The following TMEM132C variants were observed in gnomAD, a reference collection of about 807,000 sequenced individuals.
The protein encoded by TMEM132C is transmembrane protein 132C.
TMEM132C carries 29 observed loss-of-function variants against 61.4 expected under a neutral mutation model. The ratio of observed to expected loss-of-function variants is 0.47; its 90% CI spans 0.35 to 0.64. The LOEUF (loss-of-function observed/expected upper bound fraction) is 0.64, where lower values mean the gene tolerates loss of function less well. Ranked by LOEUF, TMEM132C falls within the 30% of genes least tolerant of loss-of-function variation. The pLI is 0.00. For missense variants in TMEM132C, 1,408 were observed against 1,476.9 expected, an observed-to-expected ratio of 0.95 and a Z score of 0.76; for synonymous variants, 656 against 633.1, an observed-to-expected ratio of 1.04 and a Z score of -0.54.
Position 128,415,665 on chromosome 12 carries a change from G to A in TMEM132C, c.974+45G>A, listed in dbSNP as rs769022904. 5.5e-6 allele frequency: 8 copies of A among 1,467,838 alleles called. No homozygotes were observed. In the South Asian group the frequency reaches 7.1e-5, roughly 13 times the overall value. 90.9% of individuals were successfully genotyped at this position (1,467,838 alleles called of 1,614,324 possible). A position where few individuals can be genotyped will look rare whatever the true frequency, so the allele number is the denominator to read the frequency against. On this transcript the variant is annotated intron_variant, in intron 2 of 8. Transcript: ENST00000435159. The surrounding 1 kb of genome is among the most constrained non-coding windows in gnomAD (Gnocchi z 5.8). ...CCTGATCATCTTTGGCATGCCTGGT[G>A]TGAGACTGGGTTCCATGCGTGGCAG...
intron 2 of TMEM132C, among the ~76,000 whole-genome samples, chr12:128,523,212 G>A (rs7316219): frequency 0.93 from 141,837 of 152,238 alleles, 66,838 homozygotes; most frequent in East Asian, 1. Context: ...TCCAGTAGTC[G>A]AATTCATAGA....
intron 3 of TMEM132C, among the ~76,000 whole-genome samples, chr12:128,574,414 C>T (rs573609334): frequency 2.0e-5 from 3 of 152,322 alleles, no homozygotes; most frequent in African/African-American, 7.2e-5. Context: ...CATAGAGAAA[C>T]CGTTATTATC....
intron 3 of TMEM132C, among the ~76,000 whole-genome samples, chr12:128,551,214 C>A (rs900184056): frequency 6.7e-6 from 1 of 150,100 alleles, no homozygotes; most frequent in Non-Finnish European, 1.5e-5. Context: ...TAAGAGCCCC[C>A]CCCCTCCCGC....
At chr12:128,579,374 C>T (rs893305999) in intron 3 of TMEM132C, among the ~76,000 whole-genome samples, 5 of 152,212 alleles carry the variant, frequency 3.3e-5, no homozygotes, top group African/African-American at 1.2e-4. Flanking sequence ...CAACATACTA[C>T]TTTAAAATTG....
chr12:128,696,553 C>G (rs1954766493), intron 7 of TMEM132C, among the ~76,000 whole-genome samples: 1 of 152,200 alleles, frequency 6.6e-6, no homozygotes. Context: ...ATTCAACAAA[C>G]TCTCTTTGAA....
intron 2 of TMEM132C, among the ~76,000 whole-genome samples, chr12:128,471,989 C>T (rs1870968192): frequency 6.6e-6 from 1 of 152,040 alleles, no homozygotes; most frequent in Non-Finnish European, 1.5e-5. Flanking sequence ...AAAATCAAAC[C>T]GCACTGGCTG....
At chr12:128,454,927 T>A (rs1565941228) in intron 2 of TMEM132C, among the ~76,000 whole-genome samples, 1 of 152,270 alleles carries the variant, frequency 6.6e-6, no homozygotes, top group East Asian at 1.9e-4. Context: ...TGTCCCCTGT[T>A]AAAATTGGCC....
intron 1 of TMEM132C, among the ~76,000 whole-genome samples, chr12:128,338,674 GCTGT>G (rs1249559780): frequency 6.6e-6 from 1 of 151,248 alleles, no homozygotes; most frequent in Non-Finnish European, 1.5e-5. Flanking sequence ...TAAGCTTTTG[GCTGT>G]CTGTGACTAT....
At chr12:128,476,929 C>T (rs942086444) in intron 2 of TMEM132C, among the ~76,000 whole-genome samples, 1 of 152,310 alleles carries the variant, frequency 6.6e-6, no homozygotes, top group African/African-American at 2.4e-5. Flanking sequence ...TACTCATAAA[C>T]CAAATCTGTA....
At chr12:128,480,512 A>C (rs1871285222) in intron 2 of TMEM132C, among the ~76,000 whole-genome samples, 1 of 152,212 alleles carries the variant, frequency 6.6e-6, no homozygotes, top group South Asian at 2.1e-4. Flanking sequence ...CGGCGAAGCC[A>C]GCCCATGCGG....
At chr12:128,501,671 G>A (rs942508425) in intron 2 of TMEM132C, among the ~76,000 whole-genome samples, 1 of 152,180 alleles carries the variant, frequency 6.6e-6, no homozygotes, top group African/African-American at 2.4e-5. Context: ...GTGTCTTGGA[G>A]AGAAATCAGA....
rs1266643883 is a variant in TMEM132C at position 128,340,910 on chromosome 12, CTCTCTT to C, written c.85+73429_85+73434del. ...TTTTTCTTTCTTTCTCTCTTTCTCT[CTCTCTT>C]TCTCTCTCTCTCTCTCTCTCTCTCT... On this transcript the variant is annotated intron_variant, in intron 1 of 8. Coordinates refer to ENST00000435159, the MANE Select transcript of TMEM132C (RefSeq NM_001136103.3). Among the ~76,000 whole-genome samples, 202 of 111,930 alleles carry C rather than the reference CTCTCTT, an allele frequency of 1.8e-3. 1 individual carries two copies. Among genetic ancestry groups the C allele is most frequent in the Non-Finnish European group, 3.0e-3 (163 of 54,328 alleles). The allele number at this position is 111,930 out of a possible 152,430, so 73.4% of individuals were successfully genotyped here. A position where few individuals can be genotyped will look rare whatever the true frequency, so the allele number is the denominator to read the frequency against.
At chr12:128,531,276 G>A (rs1873289566) in intron 2 of TMEM132C, among the ~76,000 whole-genome samples, 1 of 85,812 alleles carries the variant, frequency 1.2e-5, no homozygotes. Flanking sequence ...GTTTTCATTT[G>A]ATAGGGAAGA....
chr12:128,280,133 C>T (rs2135898193), intron 1 of TMEM132C, among the ~76,000 whole-genome samples: 1 of 152,246 alleles, frequency 6.6e-6, no homozygotes, highest in East Asian at 1.9e-4. Context: ...GTTTTATATG[C>T]CAGAAATCTC....
chr12:128,602,150 A>C (rs1876217768), intron 3 of TMEM132C, among the ~76,000 whole-genome samples: 1 of 152,186 alleles, frequency 6.6e-6, no homozygotes. Flanking sequence ...TCGAGGCTGC[A>C]ATGAGCCACG....
intron 2 of TMEM132C, among the ~76,000 whole-genome samples, chr12:128,529,871 A>G (rs1873222684): frequency 6.6e-6 from 1 of 152,214 alleles, no homozygotes; most frequent in African/African-American, 2.4e-5. Flanking sequence ...CAAACCAGTT[A>G]CAGAAAAACA....
chr12:128,577,812 C>T (rs1359775117), intron 3 of TMEM132C, among the ~76,000 whole-genome samples: 1 of 152,178 alleles, frequency 6.6e-6, no homozygotes, highest in African/African-American at 2.4e-5. Flanking sequence ...GGTACCTGCC[C>T]TTTTAGTCCT....
intron 3 of TMEM132C, among the ~76,000 whole-genome samples, chr12:128,603,836 G>A (rs1288911723): frequency 1.3e-5 from 2 of 152,034 alleles, no homozygotes; most frequent in African/African-American, 4.8e-5. Flanking sequence ...AGCAGCAGGA[G>A]GCAAATTGGA....
intron 4 of TMEM132C, among the ~76,000 whole-genome samples, chr12:128,628,941 A>G (rs1173580191): frequency 6.6e-6 from 1 of 152,242 alleles, no homozygotes; most frequent in East Asian, 1.9e-4. Context: ...TAATTATGTC[A>G]TCATTTGAAA....
Sources: gnomAD v4.1 joint callset for allele counts (sites outside exome capture counted in the v4.1 genomes callset) on GRCh38, gnomAD v4.1.1 for gene constraint, Gnocchi (gnomAD v3.1) non-coding constraint, MANE v1.5 for transcripts, NCBI Gene and HGNC (gene_info 2026-07-23, HGNC 2026-07-21) for gene names.